Variants in ANKS1B observed in about 807,000 individuals in gnomAD.
ANKS1B encodes the protein ankyrin repeat and sterile alpha motif domain containing 1B, also known as ankyrin repeat and sterile alpha motif domain-containing protein 1B.
In ANKS1B, 36 loss-of-function variants were observed where a neutral mutation model predicts 148.3. That is an observed-to-expected ratio of 0.24 (90% CI 0.19 to 0.32). The LOEUF is 0.32. Ranked by LOEUF, ANKS1B falls within the 10% of genes least tolerant of loss-of-function variation. ANKS1B has a pLI of 1.00. For missense variants in ANKS1B, 1,157 were observed against 1,542.6 expected, an observed-to-expected ratio of 0.75 and a Z score of 4.19; for synonymous variants, 542 against 560.8, an observed-to-expected ratio of 0.97 and a Z score of 0.47.
intron 17 of ANKS1B, among the ~76,000 whole-genome samples, chr12:98,848,756 T>TTTTTTTTTTTTTTTTAAG (rs1567129301): frequency 1.4e-5 from 2 of 140,598 alleles, no homozygotes; most frequent in South Asian, 2.4e-4. Flanking sequence ...TTTTTTTTTT[T>TTTTTTTTTTTTTTTTAAG]GAGACGGAGT....
chr12:98,849,798 G>C (rs1418621192), intron 17 of ANKS1B, among the ~76,000 whole-genome samples: 1 of 152,174 alleles, frequency 6.6e-6, no homozygotes, highest in Non-Finnish European at 1.5e-5. Flanking sequence ...TTTGCAGGGA[G>C]AAAGATTTTA....
chr12:99,664,123 A>C (rs2098493018), intron 8 of ANKS1B, among the ~76,000 whole-genome samples: 1 of 152,118 alleles, frequency 6.6e-6, no homozygotes, highest in African/African-American at 2.4e-5. Context: ...ATTTCAAAAA[A>C]AAATGTTAAA....
intron 1 of ANKS1B, among the ~76,000 whole-genome samples, chr12:99,825,735 G>T (rs2083093337): frequency 6.6e-6 from 1 of 152,104 alleles, no homozygotes; most frequent in Non-Finnish European, 1.5e-5. Context: ...CCATACCAAA[G>T]AATAAAGATT....
intron 12 of ANKS1B, among the ~76,000 whole-genome samples, chr12:99,249,293 A>G (rs73379361): frequency 0.041 from 6,295 of 152,244 alleles, 464 homozygotes; most frequent in African/African-American, 0.15. Context: ...CATTATCTAG[A>G]AAAATGAGAA....
At chr12:99,550,364 C>T (rs532484450) in intron 9 of ANKS1B, among the ~76,000 whole-genome samples, 1 of 152,268 alleles carries the variant, frequency 6.6e-6, no homozygotes, top group South Asian at 2.1e-4. Flanking sequence ...TGGCTTAGGC[C>T]TGTAATCCCA....
At chr12:98,951,377 T>C (rs1453451650) in intron 17 of ANKS1B, among the ~76,000 whole-genome samples, 2 of 152,228 alleles carry the variant, frequency 1.3e-5, no homozygotes, top group Non-Finnish European at 2.9e-5. Context: ...GCTGTCCCCA[T>C]TTTAATGAGA....
At chr12:99,415,290 A>C (rs975791897) in intron 11 of ANKS1B, among the ~76,000 whole-genome samples, 27 of 152,212 alleles carry the variant, frequency 1.8e-4, no homozygotes, top group Admixed American at 1.8e-3. Context: ...ATTTAAAATA[A>C]GTAAAACCAG....
intron 1 of ANKS1B, among the ~76,000 whole-genome samples, chr12:99,881,283 G>A (rs2092464674): frequency 6.6e-6 from 1 of 152,172 alleles, no homozygotes; most frequent in Non-Finnish European, 1.5e-5. Context: ...TATTACTTAT[G>A]TTTTCTCTCT....
intron 8 of ANKS1B, among the ~76,000 whole-genome samples, chr12:99,739,157 G>A (rs2059864998): frequency 6.6e-6 from 1 of 151,624 alleles, no homozygotes; most frequent in Non-Finnish European, 1.5e-5. Flanking sequence ...TTTAAGGGAT[G>A]CAAATGCTGT....
intron 17 of ANKS1B, among the ~76,000 whole-genome samples, chr12:98,873,461 T>C (rs2099677841): frequency 1.3e-5 from 2 of 152,224 alleles, no homozygotes; most frequent in African/African-American, 2.4e-5. Flanking sequence ...AAGTATTAAG[T>C]GATATAAGGT....
intron 1 of ANKS1B, among the ~76,000 whole-genome samples, chr12:99,970,822 A>AT (rs753574677): frequency 4.6e-5 from 7 of 152,104 alleles, no homozygotes; most frequent in African/African-American, 7.2e-5. Flanking sequence ...TCCAAGTCAA[A>AT]TTCTGGGTGC....
At chr12:99,168,296 C>T (rs1030235471) in intron 14 of ANKS1B, among the ~76,000 whole-genome samples, 1 of 152,098 alleles carries the variant, frequency 6.6e-6, no homozygotes, top group Admixed American at 6.6e-5. Flanking sequence ...GCGGGTGGAT[C>T]GCCTGAGGTC....
chr12:99,371,949 C>T (rs2152472522), intron 12 of ANKS1B, among the ~76,000 whole-genome samples: 1 of 152,130 alleles, frequency 6.6e-6, no homozygotes, highest in Middle Eastern at 3.4e-3. Context: ...CAAACTAACA[C>T]TATTATTATT....
intron 12 of ANKS1B, among the ~76,000 whole-genome samples, chr12:99,276,721 C>T (rs141012614): frequency 6.6e-6 from 1 of 152,156 alleles, no homozygotes; most frequent in Admixed American, 6.5e-5. Flanking sequence ...ATAATAAAAC[C>T]TTCTTCTGAC....
At chr12:99,946,628 T>G (rs971538522) in intron 1 of ANKS1B, among the ~76,000 whole-genome samples, 1 of 152,140 alleles carries the variant, frequency 6.6e-6, no homozygotes, top group Non-Finnish European at 1.5e-5. Flanking sequence ...TATGATTCCA[T>G]CTATATCTGA....
At chr12:99,540,155 A>G (rs2097111246) in intron 9 of ANKS1B, among the ~76,000 whole-genome samples, 1 of 152,166 alleles carries the variant, frequency 6.6e-6, no homozygotes, top group African/African-American at 2.4e-5. Flanking sequence ...GGGCCTCCAA[A>G]ACATGAAACA....
At chr12:99,768,654 C>T (rs186503625) in intron 8 of ANKS1B, among the ~76,000 whole-genome samples, 78 of 151,908 alleles carry the variant, frequency 5.1e-4, no homozygotes, top group African/African-American at 1.8e-3. Context: ...GGTGAAACCC[C>T]GTGTCTACTA....
chr12:99,656,160 A>G (rs2098448879), intron 8 of ANKS1B, among the ~76,000 whole-genome samples: 1 of 152,184 alleles, frequency 6.6e-6, no homozygotes, highest in Admixed American at 6.5e-5. Context: ...CTCCAAAAAC[A>G]AGAGAATTAA....
In ANKS1B at chr12:99,538,918, T is replaced by C. The variant is rs189756439; in HGVS notation, c.1273-34277A>G. ...ATTATGTTGAGGTATGTTCCTTCTA[T>C]TCTCAGTTTTTGAGGGTATTTTATC... On this transcript the variant is annotated intron_variant, in intron 9 of 26. Coordinates refer to ENST00000683438, the MANE Select transcript of ANKS1B (RefSeq NM_001352186.2). 2.0e-5 allele frequency among the ~76,000 whole-genome samples: 3 copies of C among 152,312 alleles called. No homozygotes were observed. The East Asian group carries it at 5.8e-4, about 29-fold the overall frequency.
Sources: allele counts gnomAD v4.1 joint callset (sites outside exome capture counted in the v4.1 genomes callset), GRCh38; gene constraint gnomAD v4.1.1; transcripts MANE v1.5; gene names NCBI Gene and HGNC (gene_info 2026-07-23, HGNC 2026-07-21).